Variants in GRK5 observed in about 807,000 individuals in gnomAD.
The protein encoded by GRK5 is g protein-coupled receptor kinase GRK5.
In GRK5, 40 loss-of-function variants were observed where a neutral mutation model predicts 78.4. That is an observed-to-expected ratio of 0.51 (90% CI 0.40 to 0.66). The LOEUF (loss-of-function observed/expected upper bound fraction) is 0.66, where lower values mean the gene tolerates loss of function less well. Ranked by LOEUF, GRK5 falls within the 30% of genes least tolerant of loss-of-function variation. GRK5 has a pLI of 0.00. For synonymous variants in GRK5, 289 were observed against 296.8 expected, an observed-to-expected ratio of 0.97 and a Z score of 0.27; for missense variants, 598 against 759.9, an observed-to-expected ratio of 0.79 and a Z score of 2.50.
At chr10:119,283,757 G>T (rs923940749) in intron 1 of GRK5, among the ~76,000 whole-genome samples, 6 of 152,220 alleles carry the variant, frequency 3.9e-5, no homozygotes, top group Non-Finnish European at 5.9e-5. Flanking sequence ...CCAAAATGTG[G>T]CTTGCTCAAG....
At chr10:119,241,565 A>C (rs1237747668) in intron 1 of GRK5, among the ~76,000 whole-genome samples, 1 of 152,178 alleles carries the variant, frequency 6.6e-6, no homozygotes, top group South Asian at 2.1e-4. Flanking sequence ...GTTGTATATA[A>C]TTGTGAAAAT....
Position 119,439,764 on chromosome 10 carries a change from T to C in GRK5, c.963T>C (p.Asp321=), listed in dbSNP as rs1469474454. The C allele has an allele frequency of 6.2e-7, 1 of 1,613,698 alleles. No homozygotes were observed. Among genetic ancestry groups the C allele is most frequent in the Non-Finnish European group, 8.5e-7 (1 of 1,179,858 alleles). The change falls in exon 10 of 16, where the codon GAT becomes GAC. Residue 321 remains aspartate, a synonymous_variant. Transcript: ENST00000392870. ...DLKPENILLD[D]YGHIRISDLG... is the part of the protein sequence containing the mutation. ...AACCTGAAAACATCCTGTTAGATGA[T>C]TATGGTAAGTCTTTTCCTACTCGGT...
chr10:119,208,549 CTG>C (rs1450901391), intron 1 of GRK5: 1 of 152,262 alleles, frequency 6.6e-6, no homozygotes, highest in African/African-American at 2.4e-5. Context: ...CAAAGGATGG[CTG>C]TACAGACCAC....
chr10:119,443,273 G>A (rs759345091), intron 11 of GRK5, among the ~76,000 whole-genome samples: 6 of 152,102 alleles, frequency 3.9e-5, no homozygotes, highest in African/African-American at 1.4e-4. Flanking sequence ...ATATTGTTAC[G>A]GTAGTGAATA....
At chr10:119,393,229 G>A (rs1202166107) in intron 3 of GRK5, among the ~76,000 whole-genome samples, 1 of 152,258 alleles carries the variant, frequency 6.6e-6, no homozygotes, top group Admixed American at 6.5e-5. Context: ...GTGGTGGCCT[G>A]GCACGGACTC....
intron 3 of GRK5, among the ~76,000 whole-genome samples, chr10:119,392,569 A>AT (rs1381827369): frequency 1.3e-5 from 2 of 152,060 alleles, no homozygotes; most frequent in Admixed American, 1.3e-4. Context: ...TGCTTGGCTA[A>AT]TTTTTTGTAT....
chr10:119,417,659 G>C (rs1166884357), intron 4 of GRK5, among the ~76,000 whole-genome samples: 1 of 152,014 alleles, frequency 6.6e-6, no homozygotes, highest in Non-Finnish European at 1.5e-5. Context: ...AGAGGTTTCT[G>C]CTCTGATGGA....
intron 1 of GRK5, among the ~76,000 whole-genome samples, chr10:119,215,635 G>A (rs913884416): frequency 3.3e-5 from 5 of 151,810 alleles, no homozygotes; most frequent in Admixed American, 1.3e-4. Flanking sequence ...GGATGGTGGC[G>A]GGGGTGGAGG....
intron 1 of GRK5, among the ~76,000 whole-genome samples, chr10:119,214,735 G>T (rs1848543886): frequency 6.6e-6 from 1 of 152,124 alleles, no homozygotes; most frequent in South Asian, 2.1e-4. Flanking sequence ...GCCCAGGTTG[G>T]TCTCTAAACT....
intron 1 of GRK5, among the ~76,000 whole-genome samples, chr10:119,269,567 A>G (rs541272703): frequency 6.6e-6 from 1 of 152,160 alleles, no homozygotes; most frequent in African/African-American, 2.4e-5. Flanking sequence ...ACAGTGGTTC[A>G]CGCCTGTAAT....
At chr10:119,220,708 G>A (rs1420946899) in intron 1 of GRK5, among the ~76,000 whole-genome samples, 2 of 151,798 alleles carry the variant, frequency 1.3e-5, no homozygotes, top group African/African-American at 2.4e-5. Context: ...GGTGGCACGC[G>A]CCTGTAATCT....
At chr10:119,246,019 C>CAAAAAAAAAA (rs941734040) in intron 1 of GRK5, among the ~76,000 whole-genome samples, 7 of 14,030 alleles carry the variant, frequency 5.0e-4, no homozygotes, top group Admixed American at 1.4e-3. Flanking sequence ...GACTCCATCT[C>CAAAAAAAAAA]AAAAAAAAAA....
In GRK5 at chr10:119,412,660, G is replaced by A. The variant is rs79593134; in HGVS notation, c.340-10506G>A. 0.014 allele frequency among the ~76,000 whole-genome samples: 2,193 copies of A among 152,294 alleles called. 65 individuals are homozygous for A. The highest frequency in any genetic ancestry group is 0.05 in the African/African-American group (2,083 of 41,544). The stretch of plus-strand genomic sequence containing the variant: ...GTGGCTTTTCCACATGGCCCTGAAG[G>A]TTTTGATTAAAAAGGTGGAAGAATG... On this transcript the variant is annotated intron_variant, in intron 4 of 15. Coordinates refer to ENST00000392870, the MANE Select transcript of GRK5 (RefSeq NM_005308.3). The surrounding 1 kb of genome is among the most constrained non-coding windows in gnomAD (Gnocchi z 4.3).
chr10:119,335,175 T>TCTCTCTCCCC (rs1387026472), intron 2 of GRK5, among the ~76,000 whole-genome samples: 1 of 113,174 alleles, frequency 8.8e-6, no homozygotes, highest in African/African-American at 3.8e-5. Flanking sequence ...TCTCTCTCTC[T>TCTCTCTCCCC]CCCCCTCTCC....
chr10:119,345,594 G>C (rs1851076859), intron 2 of GRK5, among the ~76,000 whole-genome samples: 1 of 152,020 alleles, frequency 6.6e-6, no homozygotes, highest in Non-Finnish European at 1.5e-5. Flanking sequence ...TTTCTTGCTT[G>C]CTGTTCTTAA....
At chr10:119,438,247 G>A (rs11198926) in intron 9 of GRK5, among the ~76,000 whole-genome samples, 1 of 152,256 alleles carries the variant, frequency 6.6e-6, no homozygotes, top group East Asian at 1.9e-4. Flanking sequence ...CTGTAACTTG[G>A]GAGAAGAGTT....
chr10:119,439,601 A>G lies in GRK5; in HGVS notation c.930-130A>G. On this transcript the variant is annotated intron_variant, in intron 9 of 15. Coordinates refer to ENST00000392870, the MANE Select transcript of GRK5 (RefSeq NM_005308.3). The stretch of plus-strand genomic sequence containing the variant: ...ATTTTGACTCAAACCAGACAGCCTG[A>G]GCCAGGAGGTGGGAAGGAAACACAC... The G allele has an allele frequency of 4.0e-6, 3 of 741,928 alleles. No homozygotes were observed. In the South Asian group the frequency reaches 5.1e-5, roughly 13 times the overall value. The allele number at this position is 741,928 out of a possible 1,614,324, so 46.0% of individuals were successfully genotyped here. A position where few individuals can be genotyped will look rare whatever the true frequency, so the allele number is the denominator to read the frequency against.
At chr10:119,405,378 TGATAGGGTAA>T (rs1352346533) in intron 4 of GRK5, among the ~76,000 whole-genome samples, 60 of 152,252 alleles carry the variant, frequency 3.9e-4, no homozygotes, top group Middle Eastern at 3.4e-3. Flanking sequence ...CAATAAACAA[TGATAGGGTAA>T]GACAGGGAAG....
intron 2 of GRK5, among the ~76,000 whole-genome samples, chr10:119,366,746 G>T (rs879550136): frequency 2.0e-5 from 3 of 152,148 alleles, no homozygotes; most frequent in Non-Finnish European, 4.4e-5. Context: ...CCTCCCCACC[G>T]TGGACCCCTA....
Sources: gnomAD v4.1 joint callset for allele counts (sites outside exome capture counted in the v4.1 genomes callset) on GRCh38, gnomAD v4.1.1 for gene constraint, Gnocchi (gnomAD v3.1) non-coding constraint, MANE v1.5 for transcripts, NCBI Gene and HGNC (gene_info 2026-07-23, HGNC 2026-07-21) for gene names.